Variants in GRIA1 observed in about 807,000 individuals in gnomAD.
The protein encoded by GRIA1 is glutamate receptor 1.
In GRIA1, 31 loss-of-function variants were observed where a neutral mutation model predicts 99.2. The observed-to-expected ratio is 0.31, with a 90% CI of 0.23 to 0.42. GRIA1 has a LOEUF of 0.42. Among genes scored for constraint, GRIA1 ranks in the 10% least tolerant of loss-of-function variants. The probability of loss-of-function intolerance (pLI) is 1.00; values close to 1 mark genes in which losing one functional copy is unlikely to be tolerated. For missense variants in GRIA1, 782 were observed against 1,157.5 expected, an observed-to-expected ratio of 0.68 and a Z score of 4.71; for synonymous variants, 438 against 432.4, an observed-to-expected ratio of 1.01 and a Z score of -0.16.
intron 13 of GRIA1, 73 bp from the exon 14 acceptor site, chr5:153,794,548 T>G (rs1765518307): frequency 5.0e-6 from 5 of 1,004,094 alleles, no homozygotes; most frequent in South Asian, 1.3e-5. Context: ...GATTCACCGA[T>G]CCCTTGGGTC....
intron 2 of GRIA1, among the ~76,000 whole-genome samples, chr5:153,611,842 T>C (rs1306841038): frequency 6.6e-6 from 1 of 152,242 alleles, no homozygotes; most frequent in East Asian, 1.9e-4. Flanking sequence ...CCGGCTCATT[T>C]GTTCATTTAT....
chr5:153,602,742 C>T (rs564623510), intron 2 of GRIA1, among the ~76,000 whole-genome samples: 1 of 152,228 alleles, frequency 6.6e-6, no homozygotes, highest in South Asian at 2.1e-4. Context: ...TCCCACATCT[C>T]TACGATGGAG....
At chr5:153,627,741 T>C (rs1212869441) in intron 2 of GRIA1, among the ~76,000 whole-genome samples, 2 of 152,242 alleles carry the variant, frequency 1.3e-5, no homozygotes, top group Non-Finnish European at 2.9e-5. Context: ...CACACAGGAA[T>C]TCCTGACCCT....
At chr5:153,748,234 A>T (rs1257601625) in intron 11 of GRIA1, among the ~76,000 whole-genome samples, 1 of 152,206 alleles carries the variant, frequency 6.6e-6, no homozygotes, top group Non-Finnish European at 1.5e-5. Flanking sequence ...TGATACTTAG[A>T]GTGGTGCATA....
intron 10 of GRIA1, among the ~76,000 whole-genome samples, chr5:153,705,133 G>A (rs1758797882): frequency 6.6e-6 from 1 of 152,232 alleles, no homozygotes; most frequent in South Asian, 2.1e-4. Flanking sequence ...AGGGAATCCA[G>A]GGTAAGCCCT....
At chr5:153,514,112 T>C (rs1185524186) in intron 2 of GRIA1, among the ~76,000 whole-genome samples, 2 of 152,216 alleles carry the variant, frequency 1.3e-5, no homozygotes, top group Non-Finnish European at 2.9e-5. Flanking sequence ...CTTTCCTGGC[T>C]GTGTAGGTGG....
In GRIA1 at chr5:153,811,346, A is replaced by G; in HGVS notation, c.*121A>G. 1 of 676,836 alleles carries G rather than the reference A, an allele frequency of 1.5e-6. No individual in the cohort carries two copies. The highest frequency in any genetic ancestry group is 2.6e-6 in the Non-Finnish European group (1 of 379,520). The allele number at this position is 676,836 out of a possible 1,614,324, so 41.9% of individuals were successfully genotyped here. A position where few individuals can be genotyped will look rare whatever the true frequency, so the allele number is the denominator to read the frequency against. ...ACCACCACCAACCACTGCGACCACA[A>G]GAAGGATGATTCAACAGGTTTTCCT... On this transcript the variant is annotated 3_prime_UTR_variant, in exon 16 of 16. Coordinates refer to ENST00000285900, the MANE Select transcript of GRIA1 (RefSeq NM_000827.4).
chr5:153,731,232 C>T (rs1283443008), intron 11 of GRIA1, among the ~76,000 whole-genome samples: 2 of 151,754 alleles, frequency 1.3e-5, no homozygotes, highest in Non-Finnish European at 2.9e-5. Context: ...CTCTTTCTCT[C>T]TCTCTCTCTC....
intron 10 of GRIA1, among the ~76,000 whole-genome samples, chr5:153,704,855 T>C (rs926940125): frequency 1.3e-5 from 2 of 152,188 alleles, no homozygotes; most frequent in African/African-American, 2.4e-5. Context: ...ACCTTGTAGA[T>C]TGGAAAATTG....
At chr5:153,592,998 G>C (rs1218648915) in intron 2 of GRIA1, among the ~76,000 whole-genome samples, 1 of 152,172 alleles carries the variant, frequency 6.6e-6, no homozygotes, top group Non-Finnish European at 1.5e-5. Flanking sequence ...AGGCGCAGTG[G>C]CTCACACCTG....
chr5:153,679,280 A>T (rs1288263071), intron 7 of GRIA1, among the ~76,000 whole-genome samples: 1 of 149,990 alleles, frequency 6.7e-6, no homozygotes, highest in African/African-American at 2.4e-5. Context: ...TCCCAAATAA[A>T]TAAATAAATA....
intron 13 of GRIA1, among the ~76,000 whole-genome samples, 188 bp downstream of exon 13, chr5:153,770,603 TG>T (rs997063092): frequency 5.9e-5 from 9 of 152,162 alleles, no homozygotes; most frequent in African/African-American, 2.2e-4. Flanking sequence ...GAAACTGACC[TG>T]GGGGCCTCAG....
At position 153,777,114 on chromosome 5, in the gene GRIA1, C is replaced by A. The variant is rs191281783; in HGVS notation, c.2270+6699C>A. 2.0e-4 allele frequency among the ~76,000 whole-genome samples: 30 copies of A among 152,244 alleles called. No homozygotes were observed. The East Asian group carries it at 4.8e-3, about 25-fold the overall frequency. On this transcript the variant is annotated intron_variant, in intron 13 of 15. Transcript: ENST00000285900. ...GGGAGCTGGTTTAAAATGCCCTTTC[C>A]TAGACTCTAATCCTTGAGACTTCTG... is the stretch of plus-strand genomic sequence containing the variant.
chr5:153,712,940 GC>G, intron 11 of GRIA1, among the ~76,000 whole-genome samples: 1 of 152,274 alleles, frequency 6.6e-6, no homozygotes, highest in Admixed American at 6.5e-5. Context: ...TGTTTCACAA[GC>G]CTCCCCACCC....
chr5:153,773,175 A>G (rs1049666199), intron 13 of GRIA1, among the ~76,000 whole-genome samples: 2 of 152,194 alleles, frequency 1.3e-5, no homozygotes, highest in Non-Finnish European at 2.9e-5. Flanking sequence ...TTGCAACATG[A>G]CTATGAAGTA....
chr5:153,802,323 C>G, intron 14 of GRIA1, 33 bp from the exon 15 acceptor site: 3 of 1,608,598 alleles, frequency 1.9e-6, no homozygotes, highest in African/African-American at 2.7e-5. Context: ...TTATTCTTCC[C>G]CCTCCCCTTC....
chr5:153,765,351 A>T (rs777569388), intron 12 of GRIA1, among the ~76,000 whole-genome samples: 3 of 152,198 alleles, frequency 2.0e-5, no homozygotes, highest in Non-Finnish European at 4.4e-5. Context: ...GCTTAACAAG[A>T]CTAAAAGAGA....
chr5:153,645,558 T>C (rs1315473616), intron 2 of GRIA1, among the ~76,000 whole-genome samples: 1 of 152,244 alleles, frequency 6.6e-6, no homozygotes, highest in Non-Finnish European at 1.5e-5. Flanking sequence ...CAATCTTTTA[T>C]GCAGCTAATG....
intron 2 of GRIA1, among the ~76,000 whole-genome samples, chr5:153,553,696 C>A (rs767521034): frequency 6.6e-6 from 1 of 152,162 alleles, no homozygotes; most frequent in African/African-American, 2.4e-5. Flanking sequence ...TAAACTCCAC[C>A]ATTTTGCCTC....
Sources: allele counts gnomAD v4.1 joint callset (sites outside exome capture counted in the v4.1 genomes callset), GRCh38; gene constraint gnomAD v4.1.1; transcripts MANE v1.5; gene names NCBI Gene and HGNC (gene_info 2026-07-23, HGNC 2026-07-21).